The following AKNAD1 variants were observed in gnomAD, a reference collection of about 807,000 sequenced individuals.
AKNAD1 encodes protein AKNAD1.
A neutral mutation model predicts 90.8 loss-of-function variants in AKNAD1; 67 were observed. That is an observed-to-expected ratio of 0.74 (90% CI 0.61 to 0.90). AKNAD1 has a LOEUF of 0.90. AKNAD1 is among the 40% of genes least tolerant of loss of function. The pLI is 0.00. For missense variants in AKNAD1, 957 were observed against 975.4 expected, an observed-to-expected ratio of 0.98 and a Z score of 0.25; for synonymous variants, 327 against 341.4, an observed-to-expected ratio of 0.96 and a Z score of 0.46.
rs1664029202 is a variant in AKNAD1 at position 108,827,239 on chromosome 1, A to G, written c.1902T>C (p.Leu634=). ...AATCTGAGTGTGGTGCCTTTTCATG[A>G]AGGACAATTGAAAATCTTCCACAGT... The part of the protein sequence containing the change: ...RINCGRFSIV[L]HEKAPHSDST... The change falls in exon 11 of 16, where the codon CTT becomes CTC. Residue 634 remains leucine (L), a synonymous_variant. Transcript: ENST00000370001. The G allele has an allele frequency of 1.2e-6, 2 of 1,611,808 alleles. No homozygotes were observed. The highest frequency in any genetic ancestry group is 8.5e-7 in the Non-Finnish European group (1 of 1,179,454).
chr1:108,837,785 A>G lies in AKNAD1; in HGVS notation c.1380-79T>C, dbSNP rs1040152173. ...ATTAATAATGACAGTTCTTGAATAC[A>G]GCATTGATTTATATTATTAATGTGG... On this transcript the variant is annotated intron_variant, in intron 6 of 15. Transcript: ENST00000370001. 9 of 1,443,556 alleles carry G rather than the reference A, an allele frequency of 6.2e-6. No individual in the cohort carries two copies. In the African/African-American group the frequency reaches 1.1e-4, roughly 18 times the overall value. The allele number at this position is 1,443,556 out of a possible 1,614,324, so 89.4% of individuals were successfully genotyped here.
intron 13 of AKNAD1, 81 bp from the exon 14 acceptor site, chr1:108,820,707 T>C: frequency 1.4e-6 from 1 of 709,898 alleles, no homozygotes; most frequent in Non-Finnish European, 2.4e-6. Flanking sequence ...CCTTGAACTT[T>C]TTGTATGAAT....
chr1:108,825,733 CTAAA>C lies in AKNAD1; in HGVS notation c.1936+1468_1936+1471del, dbSNP rs1663976903. On this transcript the variant is annotated intron_variant, in intron 11 of 15. Transcript: ENST00000370001. The stretch of plus-strand genomic sequence containing the variant: ...TGCAAATCATTTAGATTTCCCAAAA[CTAAA>C]TGAGCAGTTCCAAGGCGCTTTTTTT... Among the ~76,000 whole-genome samples the C allele has an allele frequency of 2.1e-5, 3 of 145,308 alleles. 1 individual carries two copies. The highest frequency in any genetic ancestry group is 7.0e-5 in the Admixed American group (1 of 14,192).
At chr1:108,838,261 T>C (rs1361956053) in intron 6 of AKNAD1, among the ~76,000 whole-genome samples, 1 of 151,806 alleles carries the variant, frequency 6.6e-6, no homozygotes, top group Non-Finnish European at 1.5e-5. Flanking sequence ...AAATCCAAAA[T>C]ATTAAAAATT....
At chr1:108,840,333 T>C (rs1000006186) in intron 6 of AKNAD1, among the ~76,000 whole-genome samples, 22 of 152,272 alleles carry the variant, frequency 1.4e-4, no homozygotes, top group Admixed American at 1.4e-3. Flanking sequence ...AAAACATCTG[T>C]CGACAATACT....
At chr1:108,838,396 A>C (rs12724754) in intron 6 of AKNAD1, among the ~76,000 whole-genome samples, 13,301 of 152,038 alleles carry the variant, frequency 0.087, 769 homozygotes, top group South Asian at 0.12. Flanking sequence ...GGAAATAAAA[A>C]TGAATGTTAG....
At chr1:108,850,195 A>G (rs1356666504) in intron 2 of AKNAD1, among the ~76,000 whole-genome samples, 3 of 152,178 alleles carry the variant, frequency 2.0e-5, no homozygotes, top group Non-Finnish European at 4.4e-5. Context: ...TTTGTTCCCA[A>G]CACATAAAGC....
At chr1:108,826,446 A>G (rs376265488) in intron 11 of AKNAD1, among the ~76,000 whole-genome samples, 1 of 146,880 alleles carries the variant, frequency 6.8e-6, no homozygotes, top group Non-Finnish European at 1.5e-5. Context: ...TTTGAAAAAA[A>G]GGATCTTATG....
rs1450499628 is a variant in AKNAD1, at chr1:108,826,736, C to CTTTTTTTT, written c.1936+468_1936+469insAAAAAAAA. ...AGTGATTCTTTTTTTCTTTTCTTTT[C>CTTTTTTTT]TTTTTCTTTTTTTTTTTTTTTGAAA... On this transcript the variant is annotated intron_variant, in intron 11 of 15. Transcript: ENST00000370001. Among the ~76,000 whole-genome samples the CTTTTTTTT allele has an allele frequency of 1.4e-4, 16 of 114,792 alleles. 2 individuals are homozygous for CTTTTTTTT. Among genetic ancestry groups the CTTTTTTTT allele is most frequent in the South Asian group, 2.8e-4 (1 of 3,542 alleles). The allele number at this position is 114,792 out of a possible 152,430, so 75.3% of individuals were successfully genotyped here. A position where few individuals can be genotyped will look rare whatever the true frequency, so the allele number is the denominator to read the frequency against.
intron 6 of AKNAD1, among the ~76,000 whole-genome samples, chr1:108,841,629 T>A (rs529766315): frequency 6.6e-6 from 1 of 152,294 alleles, no homozygotes; most frequent in Non-Finnish European, 1.5e-5. Context: ...GTCAATGAAT[T>A]TGCAGAATTC....
intron 3 of AKNAD1, among the ~76,000 whole-genome samples, 192 bp from the exon 4 acceptor site, chr1:108,849,252 G>A (rs754002609): frequency 1.1e-4 from 17 of 152,070 alleles, no homozygotes; most frequent in African/African-American, 2.2e-4. Flanking sequence ...AGGCCAAAGC[G>A]GGGGGATCAC....
intron 11 of AKNAD1, among the ~76,000 whole-genome samples, chr1:108,826,000 G>A (rs890488251): frequency 3.3e-5 from 5 of 151,622 alleles, no homozygotes; most frequent in African/African-American, 4.8e-5. Context: ...TAATACTAGC[G>A]TTGCACAGCT....
chr1:108,823,079 T>C, intron 13 of AKNAD1: 1 of 647,762 alleles, frequency 1.5e-6, no homozygotes, highest in Non-Finnish European at 2.8e-6. Flanking sequence ...AAGTCATTTA[T>C]TTGTTCAGCA....
intron 6 of AKNAD1, among the ~76,000 whole-genome samples, chr1:108,838,595 C>A (rs1664449931): frequency 6.6e-6 from 1 of 151,830 alleles, no homozygotes; most frequent in Non-Finnish European, 1.5e-5. Flanking sequence ...GAAAAGGATT[C>A]ATAAAATTAC....
rs978217485 is a variant in AKNAD1, at chr1:108,851,917, C to A, written c.748G>T (p.Gly250Cys). Residue 250 changes from glycine to cysteine, a missense_variant, in exon 2 of 16, where the codon GGC (glycine) becomes TGC (cysteine). Gly to Cys is a radical substitution (Grantham distance 159). Coordinates refer to ENST00000370001, the MANE Select transcript of AKNAD1 (RefSeq NM_152763.5). ...AGCTGGTAATGAACTTGACCTTGGC[C>A]GTATTTGAACGTGTTGCCTGAATTT... is the stretch of plus-strand genomic sequence containing the variant. ...KANSGNTFKY[G>C]QGQVHYQLPD... 1.2e-6 allele frequency: 2 copies of A among 1,614,088 alleles called. No homozygotes were observed. The highest frequency in any genetic ancestry group is 3.3e-5 in the Admixed American group (2 of 60,006).
Position 108,834,962 on chromosome 1 carries a change from G to A in AKNAD1, c.1631C>T (p.Pro544Leu). The change falls in exon 8 of 16, where the codon CCC (proline) becomes CTC (leucine). Residue 544 changes from proline to leucine, a missense_variant. By Grantham distance (98) the Pro-to-Leu change is moderately conservative (BLOSUM62 -3). Coordinates refer to ENST00000370001, the MANE Select transcript of AKNAD1 (RefSeq NM_152763.5). The part of the protein sequence containing the change: ...GTPQGGPQEA[P>L]NEELCELAPQ... ...GGCCAGCTCACAGAGCTCCTCGTTGGGGGCCTCCTGCGGCCCTCCTTGGGG... is the reference window on the plus strand; with the variant it reads ...GGCCAGCTCACAGAGCTCCTCGTTGAGGGCCTCCTGCGGCCCTCCTTGGGG... The A allele has an allele frequency of 6.5e-7, 1 of 1,549,442 alleles. No individual in the cohort carries two copies. The highest frequency in any genetic ancestry group is 8.6e-7 in the Non-Finnish European group (1 of 1,157,222).
At chr1:108,855,712 G>T (rs1665011036) in intron 1 of AKNAD1, among the ~76,000 whole-genome samples, 1 of 151,946 alleles carries the variant, frequency 6.6e-6, no homozygotes, top group African/African-American at 2.4e-5. Context: ...CTTGAACCCG[G>T]GAGGCAGAGG....
At chr1:108,827,831 A>T (rs1664060226) in intron 10 of AKNAD1, among the ~76,000 whole-genome samples, 1 of 150,706 alleles carries the variant, frequency 6.6e-6, no homozygotes, top group South Asian at 2.1e-4. Context: ...AAAAAAAGAA[A>T]ATGTATACAA....
chr1:108,834,961 G>A lies in AKNAD1; in HGVS notation c.1632C>T (p.Pro544=). ...GTPQGGPQEA[P]NEELCELAPQ... ...GGGCCAGCTCACAGAGCTCCTCGTT[G>A]GGGGCCTCCTGCGGCCCTCCTTGGG... The change falls in exon 8 of 16, where the codon CCC becomes CCT. Residue 544 remains proline (P), a synonymous_variant. Transcript: ENST00000370001. 5 of 1,549,904 alleles carry A rather than the reference G, an allele frequency of 3.2e-6. No homozygotes were observed. The highest frequency in any genetic ancestry group is 4.3e-6 in the Non-Finnish European group (5 of 1,157,384).
Sources: gnomAD v4.1 joint callset for allele counts (sites outside exome capture counted in the v4.1 genomes callset) on GRCh38, gnomAD v4.1.1 for gene constraint, MANE v1.5 for transcripts, NCBI Gene and HGNC (gene_info 2026-07-23, HGNC 2026-07-21) for gene names.